The following KCNT1 variants were observed in gnomAD, a reference collection of about 807,000 sequenced individuals.
The protein encoded by KCNT1 is potassium channel subfamily T member 1.
A neutral mutation model predicts 147.8 loss-of-function variants in KCNT1; 78 were observed. That is an observed-to-expected ratio of 0.53 (90% CI 0.44 to 0.64). The LOEUF is 0.64. Ranked by LOEUF, KCNT1 falls within the 30% of genes least tolerant of loss-of-function variation. The probability of loss-of-function intolerance (pLI) is 0.00; values close to 1 mark genes in which losing one functional copy is unlikely to be tolerated. For missense variants in KCNT1, 1,419 were observed against 1,750.3 expected (o/e 0.81, Z 3.38); for synonymous variants, 867 against 748.8 (o/e 1.16, Z -2.58).
At chr9:135,759,108 C>G (rs373907194) in intron 10 of KCNT1, among the ~76,000 whole-genome samples, 1 of 152,246 alleles carries the variant, frequency 6.6e-6, no homozygotes, top group South Asian at 2.1e-4. Flanking sequence ...CTGACAGACA[C>G]AGAGCTGAGT....
At chr9:135,758,348 T>G in intron 9 of KCNT1, 66 bp from the exon 10 acceptor site, 2 of 1,215,110 alleles carry the variant, frequency 1.6e-6, no homozygotes, top group South Asian at 2.4e-5. Context: ...CCTTCTAGTC[T>G]CTATTCATTG....
chr9:135,779,526 G>A, intron 24 of KCNT1, 56 bp downstream of exon 24: 1 of 1,318,574 alleles, frequency 7.6e-7, no homozygotes, highest in Non-Finnish European at 1.1e-6. Flanking sequence ...AAGAGTGGGA[G>A]AAAGGGGCTC....
intron 15 of KCNT1, among the ~76,000 whole-genome samples, 165 bp downstream of exon 15, chr9:135,769,102 C>T (rs1161723823): frequency 2.3e-5 from 3 of 129,424 alleles, no homozygotes; most frequent in Non-Finnish European, 3.4e-5. Flanking sequence ...GGGCAGGATG[C>T]GTGTGCACAC....
At chr9:135,708,220 G>C (rs1432206732) in intron 1 of KCNT1, among the ~76,000 whole-genome samples, 1 of 152,192 alleles carries the variant, frequency 6.6e-6, no homozygotes, top group Non-Finnish European at 1.5e-5. Flanking sequence ...AGATCCATGT[G>C]CATGCACACA....
intron 2 of KCNT1, among the ~76,000 whole-genome samples, chr9:135,720,775 G>A (rs968522743): frequency 6.6e-5 from 10 of 152,328 alleles, no homozygotes; most frequent in African/African-American, 1.9e-4. Context: ...GCGTGAAGGC[G>A]TGAGTGGCCT....
chr9:135,770,072 C>T lies in KCNT1; in HGVS notation c.1619+17C>T, dbSNP rs1384470539. 6 of 1,540,258 alleles carry T rather than the reference C, an allele frequency of 3.9e-6. No homozygotes were observed. Among genetic ancestry groups the T allele is most frequent in the Admixed American group, 2.0e-5 (1 of 50,926 alleles). ...CCGCGGCCAGTGAGTGCCCCGTGCCCCGGGGGACCGACCTCCATGGCGGGG... is the reference window on the plus strand; with the variant it reads ...CCGCGGCCAGTGAGTGCCCCGTGCCTCGGGGGACCGACCTCCATGGCGGGG... On this transcript the variant is annotated intron_variant, in intron 16 of 30. Transcript: ENST00000371757.
chr9:135,704,408 G>A (rs1035361661), intron 1 of KCNT1, among the ~76,000 whole-genome samples: 1 of 152,230 alleles, frequency 6.6e-6, no homozygotes, highest in Non-Finnish European at 1.5e-5. Context: ...AGGCCGGAAA[G>A]TGGGGCTCCA....
intron 2 of KCNT1, among the ~76,000 whole-genome samples, chr9:135,719,847 G>A (rs137983667): frequency 3.9e-5 from 6 of 152,210 alleles, no homozygotes; most frequent in Admixed American, 1.3e-4. Context: ...CAGAAAGCCC[G>A]GCCCCAGTGC....
chr9:135,775,673 G>C (rs1412164285), intron 20 of KCNT1, among the ~76,000 whole-genome samples: 2 of 152,206 alleles, frequency 1.3e-5, no homozygotes, highest in African/African-American at 2.4e-5. Flanking sequence ...CTTGAGAACA[G>C]GTTGGAGCCA....
intron 24 of KCNT1, among the ~76,000 whole-genome samples, chr9:135,782,454 A>G (rs1175024222): frequency 6.6e-6 from 1 of 152,288 alleles, no homozygotes; most frequent in East Asian, 1.9e-4. Context: ...GCCTTCCTTC[A>G]GGCTGGCTCT....
At chr9:135,785,632 C>T in intron 28 of KCNT1, 4 of 582,488 alleles carry the variant, frequency 6.9e-6, no homozygotes, top group Non-Finnish European at 1.2e-5. Flanking sequence ...CCCCCATGCC[C>T]ATCTGGCCTG....
chr9:135,783,406 G>T (rs998442), intron 24 of KCNT1, among the ~76,000 whole-genome samples: 17,360 of 152,286 alleles, frequency 0.11, 1,327 homozygotes, highest in South Asian at 0.18. Flanking sequence ...GGCCTCCAGA[G>T]GGAGCGGGGC....
chr9:135,775,887 C>A (rs1833135177), intron 20 of KCNT1, among the ~76,000 whole-genome samples: 1 of 152,182 alleles, frequency 6.6e-6, no homozygotes, highest in Non-Finnish European at 1.5e-5. Context: ...CCGGCTGCGT[C>A]TTAGCAACTC....
In KCNT1 at chr9:135,702,349, G is replaced by C; in HGVS notation, c.91G>C (p.Asp31His). 1 of 1,611,266 alleles carries C rather than the reference G, an allele frequency of 6.2e-7. No individual in the cohort carries two copies. Among genetic ancestry groups the C allele is most frequent in the Non-Finnish European group, 8.5e-7 (1 of 1,179,072 alleles). Reference protein sequence around the residue: ...GYTNRTFEFDDGQCAPRRPCA... With the variant: ...GYTNRTFEFDHGQCAPRRPCA... The stretch of plus-strand genomic sequence containing the variant: ...CACCAACCGGACCTTCGAGTTTGAC[G>C]ACGGCCAATGCGCCCCCAGGTACAG... The change falls in exon 1 of 31, where the codon GAC becomes CAC. Residue 31 changes from aspartate (D) to histidine (H), a missense_variant. By Grantham distance (81) the Asp-to-His change is moderately conservative. Transcript: ENST00000371757.
chr9:135,784,710 G>C lies in KCNT1; in HGVS notation c.3028-51G>C, dbSNP rs762346128. Reference sequence around the variant, plus strand: ...GCCCCTGATTCACGGTGGCCAGGAGGCTCTGGGTGCTGCCACCTGCCCCAG... The same window carrying C: ...GCCCCTGATTCACGGTGGCCAGGAGCCTCTGGGTGCTGCCACCTGCCCCAG... On this transcript the variant is annotated intron_variant, in intron 26 of 30. Transcript: ENST00000371757. 3 of 1,609,108 alleles carry C rather than the reference G, an allele frequency of 1.9e-6. No homozygotes were observed. In the South Asian group the frequency reaches 3.3e-5, roughly 18 times the overall value.
rs1423914652 is a variant in KCNT1, at chr9:135,714,437, CCCCGCCCGGCCG to C, written c.111-131_111-120del. ...CGCCCGCATGTGCCGCCAGGCCCGC[CCCCGCCCGGCCG>C]CCCGCCCGCCCGGTGGGTCGCGGTG... On this transcript the variant is annotated intron_variant, in intron 1 of 30. Coordinates refer to ENST00000371757, the MANE Select transcript of KCNT1 (RefSeq NM_020822.3). The surrounding 1 kb of genome is among the most constrained non-coding windows in gnomAD (Gnocchi z 6.2). 2.8e-6 allele frequency: 1 copy of C among 356,538 alleles called. No homozygotes were observed. Among genetic ancestry groups the C allele is most frequent in the Non-Finnish European group, 3.9e-6 (1 of 259,222 alleles). The allele number at this position is 356,538 out of a possible 1,614,324, so 22.1% of individuals were successfully genotyped here.
At chr9:135,721,047 C>G (rs1377171120) in intron 2 of KCNT1, among the ~76,000 whole-genome samples, 1 of 152,146 alleles carries the variant, frequency 6.6e-6, no homozygotes, top group Non-Finnish European at 1.5e-5. Context: ...CGTGAAGGTT[C>G]GAGGAGGAGT....
chr9:135,714,457 G>T lies in KCNT1; in HGVS notation c.111-120G>T, dbSNP rs1835635673. The T allele has an allele frequency of 3.2e-6, 2 of 631,878 alleles. No individual in the cohort carries two copies. Among genetic ancestry groups the T allele is most frequent in the South Asian group, 6.9e-5 (1 of 14,512 alleles). 39.1% of individuals were successfully genotyped at this position (631,878 alleles called of 1,614,324 possible). On this transcript the variant is annotated intron_variant, in intron 1 of 30. Coordinates refer to ENST00000371757, the MANE Select transcript of KCNT1 (RefSeq NM_020822.3). This position sits in a 1 kb window ranked among gnomAD's most constrained non-coding sequence, Gnocchi z 6.2. ...CCCGCCCCCGCCCGGCCGCCCGCCC[G>T]CCCGGTGGGTCGCGGTGGCCGCGGG...
chr9:135,759,685 C>T lies in KCNT1; in HGVS notation c.861C>T (p.Cys287=), dbSNP rs750884338. 1.1e-5 allele frequency: 17 copies of T among 1,603,726 alleles called. No homozygotes were observed. Among genetic ancestry groups the T allele is most frequent in the East Asian group, 4.5e-5 (2 of 44,722 alleles). Reference sequence around the variant, plus strand: ...TCACTGCCAGGGGTTGCAGGACCTGCGGCATCCAGCACCTGGAGCGGGCGG... The same window carrying T: ...TCACTGCCAGGGGTTGCAGGACCTGTGGCATCCAGCACCTGGAGCGGGCGG... ...TLLCLVFTGT[C]GIQHLERAGE... The change falls in exon 11 of 31, where the codon TGC becomes TGT. Residue 287 remains cysteine (C), a synonymous_variant. Coordinates refer to ENST00000371757, the MANE Select transcript of KCNT1 (RefSeq NM_020822.3).
Sources: gnomAD v4.1 joint callset for allele counts (sites outside exome capture counted in the v4.1 genomes callset) on GRCh38, gnomAD v4.1.1 for gene constraint, Gnocchi (gnomAD v3.1) non-coding constraint, MANE v1.5 for transcripts, NCBI Gene and HGNC (gene_info 2026-07-23, HGNC 2026-07-21) for gene names.